Variants in ARHGEF10L observed in about 807,000 individuals in gnomAD.
ARHGEF10L encodes rho guanine nucleotide exchange factor 10-like protein.
Under a neutral mutation model 141.2 loss-of-function variants are expected in ARHGEF10L, and 69 were observed. The observed-to-expected ratio is 0.49, with a 90% CI of 0.40 to 0.60. The LOEUF (loss-of-function observed/expected upper bound fraction) is 0.60, where lower values mean the gene tolerates loss of function less well. ARHGEF10L is among the 20% of genes least tolerant of loss of function. The pLI, the probability that ARHGEF10L is intolerant of heterozygous loss-of-function variation, is 0.00. For missense variants in ARHGEF10L, 1,482 were observed against 1,734.3 expected, an observed-to-expected ratio of 0.85 and a Z score of 2.58; for synonymous variants, 711 against 718.5, an observed-to-expected ratio of 0.99 and a Z score of 0.17.
intron 22 of ARHGEF10L, among the ~76,000 whole-genome samples, chr1:17,650,625 G>T (rs1484821954): frequency 2.6e-5 from 4 of 151,700 alleles, no homozygotes; most frequent in Non-Finnish European, 4.4e-5. Flanking sequence ...CCTAGCTACT[G>T]GAGAGGCTGA....
chr1:17,638,963 T>C (rs1442592909), intron 20 of ARHGEF10L, among the ~76,000 whole-genome samples: 1 of 152,190 alleles, frequency 6.6e-6, no homozygotes, highest in Non-Finnish European at 1.5e-5. Context: ...ACTCTGCCAT[T>C]GGTCAGTTCC....
intron 26 of ARHGEF10L, among the ~76,000 whole-genome samples, chr1:17,670,094 C>G (rs1210519277): frequency 6.6e-6 from 1 of 152,264 alleles, no homozygotes; most frequent in East Asian, 1.9e-4. Flanking sequence ...GAAAGCACCG[C>G]GAGCCACGCC....
chr1:17,567,717 G>A (rs952988133), intron 1 of ARHGEF10L, among the ~76,000 whole-genome samples: 2 of 152,150 alleles, frequency 1.3e-5, no homozygotes, highest in African/African-American at 4.8e-5. Context: ...CTGAGTTCCC[G>A]GGGCTGATTC....
intron 2 of ARHGEF10L, among the ~76,000 whole-genome samples, 171 bp from the exon 3 acceptor site, chr1:17,587,289 C>G (rs1174069851): frequency 6.6e-6 from 1 of 152,194 alleles, no homozygotes; most frequent in African/African-American, 2.4e-5. Flanking sequence ...CCCCCTCCCC[C>G]CGGCCTTACC....
chr1:17,683,895 G>C (rs2064347424), intron 26 of ARHGEF10L, among the ~76,000 whole-genome samples: 1 of 152,218 alleles, frequency 6.6e-6, no homozygotes, highest in Non-Finnish European at 1.5e-5. Context: ...AGGCCTCTGG[G>C]TTTCAGTGCG....
chr1:17,683,145 C>T lies in ARHGEF10L; in HGVS notation c.3010-4428C>T, dbSNP rs772207538. 4.6e-3 allele frequency among the ~76,000 whole-genome samples: 419 copies of T among 91,318 alleles called. 5 individuals are homozygous for T. The highest frequency in any genetic ancestry group is 5.1e-3 in the Non-Finnish European group (234 of 46,066). The allele number at this position is 91,318 out of a possible 152,430, so 59.9% of individuals were successfully genotyped here. ...TGCTCACTGCCCCCTGCTCTCACCG[C>T]GGTGCTCACTGCCCCCTGCTCTCAC... On this transcript the variant is annotated intron_variant, in intron 26 of 28. Coordinates refer to ENST00000361221, the MANE Select transcript of ARHGEF10L (RefSeq NM_018125.4).
chr1:17,588,508 CG>C (rs930705781), intron 4 of ARHGEF10L, 29 bp downstream of exon 4: 6 of 1,613,284 alleles, frequency 3.7e-6, no homozygotes, highest in Non-Finnish European at 5.1e-6. Context: ...TTTGCTTTGG[CG>C]GTTGGAAACA....
At position 17,587,315 on chromosome 1, in the gene ARHGEF10L, T is replaced by C. The variant is rs534728662; in HGVS notation, c.38-145T>C. On this transcript the variant is annotated intron_variant, in intron 2 of 28. Transcript: ENST00000361221. ...CGGCCTTACCAGCACTGTAGGGCCATGTGGCTTGAGTTTGATGGCTCTCAT... is the reference window on the plus strand; with the variant it reads ...CGGCCTTACCAGCACTGTAGGGCCACGTGGCTTGAGTTTGATGGCTCTCAT... The C allele has an allele frequency of 1.1e-3, 915 of 809,482 alleles. 19 individuals are homozygous for C. In the South Asian group the frequency reaches 0.016, roughly 14 times the overall value. The allele number at this position is 809,482 out of a possible 1,614,324, so 50.1% of individuals were successfully genotyped here.
chr1:17,682,249 C>T (rs573465152), intron 26 of ARHGEF10L, among the ~76,000 whole-genome samples: 4 of 152,258 alleles, frequency 2.6e-5, no homozygotes, highest in Admixed American at 1.3e-4. Context: ...AGTTGGGGTT[C>T]GTTTTGATAC....
chr1:17,557,007 G>T (rs557357044), intron 1 of ARHGEF10L, among the ~76,000 whole-genome samples: 7 of 149,564 alleles, frequency 4.7e-5, no homozygotes, highest in Non-Finnish European at 1.0e-4. Context: ...CCTCCAGTTC[G>T]GACAACATAG....
Position 17,601,527 on chromosome 1 carries a change from C to G in ARHGEF10L, c.258-600C>G, listed in dbSNP as rs146103781. ...GTGGCATGATCTTGGGTCACTGCAA[C>G]CTTCCTCTTCTGGGTTCAAGTGATT... is the stretch of plus-strand genomic sequence containing the variant. On this transcript the variant is annotated intron_variant, in intron 4 of 28. Coordinates refer to ENST00000361221, the MANE Select transcript of ARHGEF10L (RefSeq NM_018125.4). 4.9e-3 allele frequency among the ~76,000 whole-genome samples: 749 copies of G among 152,260 alleles called. 8 individuals carry two copies. The highest frequency in any genetic ancestry group is 0.017 in the African/African-American group (700 of 41,530).
the ARHGEF10L span, among the ~76,000 whole-genome samples, chr1:17,531,134 C>T: frequency 1.6e-3 from 237 of 152,280 alleles, 1 homozygote; most frequent in Non-Finnish European, 2.0e-3. Context: ...TAAATAGATG[C>T]ACAGTAAAAG....
intron 26 of ARHGEF10L, among the ~76,000 whole-genome samples, chr1:17,677,579 TG>T (rs1401236009): frequency 2.0e-5 from 3 of 152,162 alleles, no homozygotes; most frequent in Non-Finnish European, 4.4e-5. Flanking sequence ...CTCTCTGATA[TG>T]GGCATGGTAG....
At chr1:17,668,134 C>T (rs1004870171) in intron 26 of ARHGEF10L, among the ~76,000 whole-genome samples, 6 of 152,262 alleles carry the variant, frequency 3.9e-5, no homozygotes, top group African/African-American at 1.2e-4. Context: ...GGTCTTGGCA[C>T]GTGGCGAGGG....
the ARHGEF10L span, among the ~76,000 whole-genome samples, chr1:17,532,893 C>G: frequency 2.0e-5 from 3 of 152,158 alleles, no homozygotes; most frequent in Non-Finnish European, 4.4e-5. Flanking sequence ...CTGCACCCAC[C>G]ACCCCCTCTT....
intron 26 of ARHGEF10L, among the ~76,000 whole-genome samples, chr1:17,682,477 G>A (rs2064201847): frequency 6.6e-6 from 1 of 152,174 alleles, no homozygotes; most frequent in Non-Finnish European, 1.5e-5. Flanking sequence ...CAGGGACCAG[G>A]GGTGTACAGT....
intron 8 of ARHGEF10L, 119 bp downstream of exon 8, chr1:17,613,293 A>G: frequency 1.2e-6 from 1 of 808,204 alleles, no homozygotes; most frequent in South Asian, 1.6e-5. Flanking sequence ...CTTGAGTCCC[A>G]GGGCTGTCCT....
intron 1 of ARHGEF10L, among the ~76,000 whole-genome samples, chr1:17,574,852 G>C (rs2078157168): frequency 2.0e-5 from 3 of 152,182 alleles, no homozygotes. Flanking sequence ...TCCTGTTCCA[G>C]CTCCATTGTG....
chr1:17,573,818 C>A lies in ARHGEF10L; in HGVS notation c.-43-6735C>A, dbSNP rs1172125119. Among the ~76,000 whole-genome samples the A allele has an allele frequency of 6.6e-6, 1 of 151,830 alleles. No homozygotes were observed. Among genetic ancestry groups the A allele is most frequent in the Non-Finnish European group, 1.5e-5 (1 of 67,842 alleles). ...GCCTGCAGATCCTCACCAGGGGCTC[C>A]CTAGGAGGTCAGTGCGGGAGGGTGG... On this transcript the variant is annotated intron_variant, in intron 1 of 28. Transcript: ENST00000361221. This position sits in a 1 kb window ranked among gnomAD's most constrained non-coding sequence, Gnocchi z 4.8.
Sources: gnomAD v4.1 joint callset for allele counts (sites outside exome capture counted in the v4.1 genomes callset) on GRCh38, gnomAD v4.1.1 for gene constraint, Gnocchi (gnomAD v3.1) non-coding constraint, MANE v1.5 for transcripts, NCBI Gene and HGNC (gene_info 2026-07-23, HGNC 2026-07-21) for gene names.